Variants in ZNF141 observed in about 807,000 individuals in gnomAD.
ZNF141 encodes zinc finger protein 141.
A neutral mutation model predicts 11.3 loss-of-function variants in ZNF141; 7 were observed. The observed-to-expected ratio is 0.62, with a 90% CI of 0.35 to 1.16. ZNF141 has a LOEUF of 1.16. ZNF141 is among the 50% of genes most tolerant of loss of function. ZNF141 has a pLI of 0.02. For synonymous variants in ZNF141, 183 were observed against 190.7 expected, an observed-to-expected ratio of 0.96 and a Z score of 0.33; for missense variants, 535 against 554.0, an observed-to-expected ratio of 0.97 and a Z score of 0.34.
rs1418289658 is a variant in ZNF141 at position 378,588 on chromosome 4, G to A, written c.*4726G>A. On this transcript the variant is annotated 3_prime_UTR_variant, in exon 4 of 4. Transcript: ENST00000240499. The stretch of plus-strand genomic sequence containing the variant: ...TGGCCAGAATATTATATCTTTGAGT[G>A]TGAATGTTAAATGGTGGAAAAACAA... Among the ~76,000 whole-genome samples the A allele has an allele frequency of 5.9e-5, 9 of 152,034 alleles. No homozygotes were observed. Among genetic ancestry groups the A allele is most frequent in the African/African-American group, 1.7e-4 (7 of 41,386 alleles).
At chr4:370,592 TA>T (rs1245149116) in intron 3 of ZNF141, among the ~76,000 whole-genome samples, 5 of 152,252 alleles carry the variant, frequency 3.3e-5, no homozygotes, top group African/African-American at 1.2e-4. Flanking sequence ...TGTTATCTTA[TA>T]AGAGCATACT....
intron 3 of ZNF141, among the ~76,000 whole-genome samples, chr4:364,262 A>C (rs1711621081): frequency 6.6e-6 from 1 of 152,186 alleles, no homozygotes; most frequent in Non-Finnish European, 1.5e-5. Context: ...TTTCAGAAGG[A>C]ATGATACCAG....
At chr4:355,434 G>T (rs550106656) in intron 3 of ZNF141, among the ~76,000 whole-genome samples, 8 of 152,232 alleles carry the variant, frequency 5.3e-5, no homozygotes, top group African/African-American at 1.4e-4. Flanking sequence ...TCGAACTCCT[G>T]ATTGCAGGTG....
chr4:361,383 TTC>T (rs1463743073), intron 3 of ZNF141, among the ~76,000 whole-genome samples: 3 of 148,192 alleles, frequency 2.0e-5, no homozygotes, highest in Admixed American at 1.4e-4. Flanking sequence ...CAGAATATCT[TTC>T]TGTTTTTTTT....
chr4:356,601 C>T (rs1193139171), intron 3 of ZNF141, among the ~76,000 whole-genome samples: 7 of 152,020 alleles, frequency 4.6e-5, no homozygotes, highest in African/African-American at 1.2e-4. Flanking sequence ...TGTGAGCCAC[C>T]GCACCCGACC....
chr4:353,448 TTTA>T lies in ZNF141; in HGVS notation c.226+9036_226+9038del, dbSNP rs1188055846. Among the ~76,000 whole-genome samples the T allele has an allele frequency of 1.4e-3, 205 of 145,114 alleles. 3 individuals carry two copies. Among genetic ancestry groups the T allele is most frequent in the East Asian group, 2.2e-3 (11 of 5,036 alleles). On this transcript the variant is annotated intron_variant, in intron 3 of 3. Transcript: ENST00000240499. ...TGTTGAAGAATGGAGAGTTTATTAA[TTTA>T]TTATTATTATTATTATTTTTTTTTT...
At position 380,359 on chromosome 4, in the gene ZNF141, A is replaced by T. The variant is rs1712555771; in HGVS notation, c.*6497A>T. On this transcript the variant is annotated 3_prime_UTR_variant, in exon 4 of 4. Coordinates refer to ENST00000240499, the MANE Select transcript of ZNF141 (RefSeq NM_003441.4). Reference sequence around the variant, plus strand: ...ACCATAATACTGTATATGTGTTAATAAATTTTATTTTCGGCCAGGCGTGGT... The same window carrying T: ...ACCATAATACTGTATATGTGTTAATTAATTTTATTTTCGGCCAGGCGTGGT... Among the ~76,000 whole-genome samples, 1 of 152,118 alleles carries T rather than the reference A, an allele frequency of 6.6e-6. No individual in the cohort carries two copies. The highest frequency in any genetic ancestry group is 2.1e-4 in the South Asian group (1 of 4,830).
At chr4:359,140 A>T (rs950250580) in intron 3 of ZNF141, among the ~76,000 whole-genome samples, 1 of 152,160 alleles carries the variant, frequency 6.6e-6, no homozygotes, top group Admixed American at 6.5e-5. Flanking sequence ...CTAGGATCAC[A>T]GTCAACTGCA....
chr4:384,053 C>G lies in ZNF141; in HGVS notation c.*10191C>G, dbSNP rs1486980016. 1 of 152,222 alleles carries G rather than the reference C, an allele frequency of 6.6e-6. No homozygotes were observed. Among genetic ancestry groups the G allele is most frequent in the Non-Finnish European group, 1.5e-5 (1 of 68,056 alleles). The allele number at this position is 152,222 out of a possible 1,614,324, so 9.4% of individuals were successfully genotyped here. A position where few individuals can be genotyped will look rare whatever the true frequency, so the allele number is the denominator to read the frequency against. Reference sequence around the variant, plus strand: ...GTCAAGGACCTGGACAGTTCACACTCACGGCCTTCCTTCTGGTAACAGAAG... The same window carrying G: ...GTCAAGGACCTGGACAGTTCACACTGACGGCCTTCCTTCTGGTAACAGAAG... On this transcript the variant is annotated 3_prime_UTR_variant, in exon 4 of 4. Transcript: ENST00000240499.
rs1712643016 is a variant in ZNF141 at position 381,971 on chromosome 4, G to A, written c.*8109G>A. Reference sequence around the variant, plus strand: ...CTTTTTTTTTTTTTTTTTTTGAGACGGAGTCTCACTCTCGCCCAGGCTGGA... The same window carrying A: ...CTTTTTTTTTTTTTTTTTTTGAGACAGAGTCTCACTCTCGCCCAGGCTGGA... On this transcript the variant is annotated 3_prime_UTR_variant, in exon 4 of 4. Transcript: ENST00000240499. Among the ~76,000 whole-genome samples, 1 of 100,532 alleles carries A rather than the reference G, an allele frequency of 9.9e-6. No homozygotes were observed. The highest frequency in any genetic ancestry group is 1.9e-5 in the Non-Finnish European group (1 of 52,046). The allele number at this position is 100,532 out of a possible 152,430, so 66.0% of individuals were successfully genotyped here.
intron 3 of ZNF141, among the ~76,000 whole-genome samples, chr4:366,225 T>C (rs927363809): frequency 6.6e-6 from 1 of 152,218 alleles, no homozygotes; most frequent in Non-Finnish European, 1.5e-5. Context: ...CCTTGGGTAG[T>C]ATGGCCACTT....
intron 3 of ZNF141, among the ~76,000 whole-genome samples, chr4:363,418 G>A (rs1376443330): frequency 6.6e-6 from 1 of 152,160 alleles, no homozygotes; most frequent in Non-Finnish European, 1.5e-5. Context: ...ATGTTGAATA[G>A]GAGTGGTGAG....
intron 3 of ZNF141, among the ~76,000 whole-genome samples, chr4:355,545 A>G (rs929162511): frequency 2.0e-5 from 3 of 152,132 alleles, no homozygotes; most frequent in African/African-American, 7.2e-5. Context: ...AGTCTCATAT[A>G]AATATAGGCA....
chr4:338,125 G>A, intron 1 of ZNF141, 139 bp downstream of exon 1: 1 of 1,156,868 alleles, frequency 8.6e-7, no homozygotes, highest in Non-Finnish European at 1.2e-6. Flanking sequence ...TCCGGTGAGG[G>A]ACCTGGGCTC....
In ZNF141 at chr4:368,360, A is replaced by C. The variant is rs115204649; in HGVS notation, c.227-4304A>C. On this transcript the variant is annotated intron_variant, in intron 3 of 3. Coordinates refer to ENST00000240499, the MANE Select transcript of ZNF141 (RefSeq NM_003441.4). Reference sequence around the variant, plus strand: ...AGGTTCAAGCAATTCTTGTGCCTCAACCACCCAAGTAGCTGGGATTACAGA... The same window carrying C: ...AGGTTCAAGCAATTCTTGTGCCTCACCCACCCAAGTAGCTGGGATTACAGA... Among the ~76,000 whole-genome samples the C allele has an allele frequency of 5.9e-3, 892 of 152,070 alleles. 11 individuals are homozygous for C. The highest frequency in any genetic ancestry group is 0.019 in the African/African-American group (807 of 41,488).
At position 337,817 on chromosome 4, in the gene ZNF141, T is replaced by C; in HGVS notation, c.-167T>C. 1.2e-6 allele frequency: 1 copy of C among 832,624 alleles called. No homozygotes were observed. Among genetic ancestry groups the C allele is most frequent in the South Asian group, 1.4e-5 (1 of 71,594 alleles). 51.6% of individuals were successfully genotyped at this position (832,624 alleles called of 1,614,324 possible). On this transcript the variant is annotated 5_prime_UTR_variant, in exon 1 of 4. Transcript: ENST00000240499. ...TGGCTTCCGGGATGTGGCGCGGGTC[T>C]TTGCGTCTGGCTACTACCAGACCGC... is the stretch of plus-strand genomic sequence containing the variant.
At chr4:342,818 A>C (rs1721114393) in intron 1 of ZNF141, 1 of 1,606,230 alleles carries the variant, frequency 6.2e-7, no homozygotes, top group African/African-American at 1.3e-5. Flanking sequence ...GAAAAAATTC[A>C]AACAGGTCCC....
At position 373,348 on chromosome 4, in the gene ZNF141, T is replaced by C; in HGVS notation, c.911T>C (p.Ile304Thr). 1 of 1,613,926 alleles carries C rather than the reference T, an allele frequency of 6.2e-7. No individual in the cohort carries two copies. Among genetic ancestry groups the C allele is most frequent in the Non-Finnish European group, 8.5e-7 (1 of 1,179,934 alleles). The part of the protein sequence containing the change: ...SSSNFAKHKR[I>T]HTGEKPYKCE... Reference sequence around the variant, plus strand: ...TCAAACTTTGCCAAACATAAGCGAATTCATACTGGAGAGAAACCCTACAAA... The same window carrying C: ...TCAAACTTTGCCAAACATAAGCGAACTCATACTGGAGAGAAACCCTACAAA... The change falls in exon 4 of 4, where the codon ATT becomes ACT. Residue 304 changes from isoleucine (I) to threonine (T), a missense_variant. Ile to Thr is a moderately conservative substitution (Grantham distance 89). Transcript: ENST00000240499.
In ZNF141 at chr4:379,274, T is replaced by A. The variant is rs1553855105; in HGVS notation, c.*5412T>A. ...CATCAGCACTAGAAATTCCAGGTAC[T>A]TCAAGCTTAAAAGTAAGAGCTCTAG... On this transcript the variant is annotated 3_prime_UTR_variant, in exon 4 of 4. Coordinates refer to ENST00000240499, the MANE Select transcript of ZNF141 (RefSeq NM_003441.4). Among the ~76,000 whole-genome samples the A allele has an allele frequency of 1.3e-5, 2 of 152,248 alleles. No homozygotes were observed. Among genetic ancestry groups the A allele is most frequent in the African/African-American group, 2.4e-5 (1 of 41,470 alleles).
Sources: gnomAD v4.1 joint callset for allele counts (sites outside exome capture counted in the v4.1 genomes callset) on GRCh38, gnomAD v4.1.1 for gene constraint, MANE v1.5 for transcripts, NCBI Gene and HGNC (gene_info 2026-07-23, HGNC 2026-07-21) for gene names.